MAGI3: variants seen among roughly 807,000 people sequenced by gnomAD.
MAGI3 encodes the protein membrane-associated guanylate kinase, WW and PDZ domain-containing protein 3.
A neutral mutation model predicts 121.8 loss-of-function variants in MAGI3; 43 were observed. The ratio of observed to expected loss-of-function variants is 0.35; its 90% CI spans 0.28 to 0.46. The LOEUF (loss-of-function observed/expected upper bound fraction) is 0.46, where lower values mean the gene tolerates loss of function less well. MAGI3 is among the 20% of genes least tolerant of loss of function. MAGI3 has a pLI of 1.00. For missense variants in MAGI3, 1,547 were observed against 1,797.3 expected (o/e 0.86, Z 2.52); for synonymous variants, 553 against 639.3 (o/e 0.86, Z 2.04).
chr1:113,590,438 A>G, intron 4 of MAGI3, 46 bp from the exon 5 acceptor site: 5 of 1,588,922 alleles, frequency 3.1e-6, no homozygotes, highest in Non-Finnish European at 3.4e-6. Context: ...GAAGAAGAAT[A>G]TAACTTTACC....
intron 1 of MAGI3, among the ~76,000 whole-genome samples, chr1:113,518,092 G>T (rs1048805468): frequency 5.3e-5 from 8 of 151,948 alleles, no homozygotes; most frequent in African/African-American, 1.9e-4. Context: ...ACTGGTTTCT[G>T]TGGTAATACA....
intron 2 of MAGI3, among the ~76,000 whole-genome samples, chr1:113,556,552 A>AT (rs569112647): frequency 0.22 from 25,471 of 117,634 alleles, 3,698 homozygotes; most frequent in South Asian, 0.32. Flanking sequence ...TATGATAAAG[A>AT]TTTTTTTTTT....
intron 2 of MAGI3, among the ~76,000 whole-genome samples, chr1:113,571,308 G>C (rs1647279624): frequency 6.6e-6 from 1 of 152,150 alleles, no homozygotes. Flanking sequence ...TTGTAGTATA[G>C]TTTGAAGACA....
chr1:113,568,343 G>T (rs534487104), intron 2 of MAGI3, among the ~76,000 whole-genome samples: 1 of 152,140 alleles, frequency 6.6e-6, no homozygotes, highest in East Asian at 1.9e-4. Flanking sequence ...ATTGAGGGAT[G>T]CTAAAGAAGA....
intron 6 of MAGI3, 69 bp downstream of exon 6, chr1:113,594,629 A>G (rs756160117): frequency 7.9e-6 from 11 of 1,384,376 alleles, no homozygotes; most frequent in Non-Finnish European, 1.1e-5. Context: ...TTGCTCAGAT[A>G]ATGGGTTTTT....
At chr1:113,516,223 G>C (rs746618354) in intron 1 of MAGI3, among the ~76,000 whole-genome samples, 1 of 151,882 alleles carries the variant, frequency 6.6e-6, no homozygotes, top group Non-Finnish European at 1.5e-5. Flanking sequence ...AGCAGTGACT[G>C]CTCAGTAGCA....
chr1:113,441,939 T>A (rs1320744493), intron 1 of MAGI3, among the ~76,000 whole-genome samples: 1 of 152,236 alleles, frequency 6.6e-6, no homozygotes, highest in Non-Finnish European at 1.5e-5. Flanking sequence ...TGTAGAGAAT[T>A]AACATCTGAT....
intron 7 of MAGI3, 72 bp downstream of exon 7, chr1:113,614,730 A>G (rs2101775565): frequency 9.7e-7 from 1 of 1,033,798 alleles, no homozygotes; most frequent in Non-Finnish European, 1.4e-6. Context: ...AGAATACTGG[A>G]TACAGCACTT....
intron 1 of MAGI3, among the ~76,000 whole-genome samples, chr1:113,437,854 CT>C (rs1557756986): frequency 0.034 from 1,693 of 50,518 alleles, 93 homozygotes; most frequent in South Asian, 0.038. Context: ...TCTTCTTCTT[CT>C]TCTTCTTCCT....
intron 1 of MAGI3, among the ~76,000 whole-genome samples, chr1:113,441,736 G>A (rs532939020): frequency 3.0e-4 from 46 of 152,204 alleles, no homozygotes; most frequent in Middle Eastern, 3.4e-3. Context: ...CTAAGGACAT[G>A]GATAATTAGT....
chr1:113,416,204 C>CACATATTAATTATGTAATTAATG (rs1652342383), intron 1 of MAGI3, among the ~76,000 whole-genome samples: 3 of 107,770 alleles, frequency 2.8e-5, no homozygotes, highest in African/African-American at 6.3e-5. Context: ...TAATTAATGA[C>CACATATTAATTATGTAATTAATG]ACATATTATT....
intron 1 of MAGI3, among the ~76,000 whole-genome samples, chr1:113,405,217 C>T (rs186330636): frequency 5.3e-5 from 8 of 152,152 alleles, no homozygotes; most frequent in South Asian, 4.1e-4. Flanking sequence ...TGGTGGCTCA[C>T]GCCTGAAATC....
At position 113,651,122 on chromosome 1, in the gene MAGI3, C is replaced by T. The variant is rs1295486280; in HGVS notation, c.2356C>T (p.His786Tyr). 1 of 1,614,160 alleles carries T rather than the reference C, an allele frequency of 6.2e-7. No homozygotes were observed. Among genetic ancestry groups the T allele is most frequent in the Non-Finnish European group, 8.5e-7 (1 of 1,180,020 alleles). Residue 786 changes from histidine (H) to tyrosine (Y), a missense_variant, in exon 14 of 21, where the codon CAC becomes TAC. Physicochemically the swap from His to Tyr is moderately conservative, Grantham distance 83. Transcript: ENST00000307546. ...IDGIPVKGKSHKQVLDLMTTA... is the reference protein window; with the variant it reads ...IDGIPVKGKSYKQVLDLMTTA... ...TGGAATTCCTGTTAAAGGGAAATCA[C>T]ACAAACAAGTCTTGGACCTCATGAC...
At position 113,404,796 on chromosome 1, in the gene MAGI3, A is replaced by G. The variant is rs562807434; in HGVS notation, c.316+13447A>G. Among the ~76,000 whole-genome samples, 7 of 152,208 alleles carry G rather than the reference A, an allele frequency of 4.6e-5. No individual in the cohort carries two copies. In the East Asian group the frequency reaches 1.4e-3, roughly 29 times the overall value. ...AACTGAGTGGTGTTAATAGCAGAGC[A>G]CTGGAGGGAAGGGCCACAAAACTCT... is the stretch of plus-strand genomic sequence containing the variant. On this transcript the variant is annotated intron_variant, in intron 1 of 20. Transcript: ENST00000307546.
chr1:113,409,347 A>C (rs1240396272), intron 1 of MAGI3, among the ~76,000 whole-genome samples: 1 of 152,042 alleles, frequency 6.6e-6, no homozygotes, highest in African/African-American at 2.4e-5. Context: ...TTTACTTTTA[A>C]AAATCTTCTC....
At chr1:113,623,774 A>G (rs1651033948) in intron 9 of MAGI3, among the ~76,000 whole-genome samples, 1 of 152,036 alleles carries the variant, frequency 6.6e-6, no homozygotes. Flanking sequence ...GACGTGAGCC[A>G]CACCGCACCC....
At chr1:113,540,981 G>T (rs1659266276) in intron 1 of MAGI3, among the ~76,000 whole-genome samples, 1 of 152,124 alleles carries the variant, frequency 6.6e-6, no homozygotes, top group Admixed American at 6.5e-5. Context: ...AGAGCTCATG[G>T]ATTTTCCAGA....
At chr1:113,505,737 A>G (rs932114276) in intron 1 of MAGI3, among the ~76,000 whole-genome samples, 5 of 152,190 alleles carry the variant, frequency 3.3e-5, no homozygotes, top group African/African-American at 1.2e-4. Flanking sequence ...GAACCAGCCC[A>G]ACTGTATATC....
At chr1:113,581,680 A>G (rs1648037598) in intron 3 of MAGI3, among the ~76,000 whole-genome samples, 1 of 152,064 alleles carries the variant, frequency 6.6e-6, no homozygotes, top group Non-Finnish European at 1.5e-5. Context: ...CATTGCTACC[A>G]TGCTAGTCTT....
Sources: gnomAD v4.1 joint callset for allele counts (sites outside exome capture counted in the v4.1 genomes callset) on GRCh38, gnomAD v4.1.1 for gene constraint, MANE v1.5 for transcripts, NCBI Gene and HGNC (gene_info 2026-07-23, HGNC 2026-07-21) for gene names.